SNORC: variants seen among roughly 807,000 people sequenced by gnomAD.
The protein encoded by SNORC is protein SNORC.
A neutral mutation model predicts 9.7 loss-of-function variants in SNORC; 11 were observed. That is an observed-to-expected ratio of 1.14 (90% confidence interval 0.72 to 1.88). SNORC has a LOEUF of 1.88. SNORC is among the 40% of genes most tolerant of loss of function. The pLI, the probability that SNORC is intolerant of heterozygous loss-of-function variation, is 0.00. For missense variants in SNORC, 197 were observed against 173.1 expected (o/e 1.14, Z -0.77); for synonymous variants, 108 against 88.7 (o/e 1.22, Z -1.22).
At chr2:232,870,478 G>T in intron 1 of SNORC, 64 bp downstream of exon 1, 3 of 1,450,858 alleles carry the variant, frequency 2.1e-6, no homozygotes, top group Admixed American at 4.0e-5. Flanking sequence ...CTACCTTGGG[G>T]CCAGATTCTT....
chr2:232,870,519 A>T (rs1338807296), intron 1 of SNORC, 105 bp downstream of exon 1: 1 of 1,096,542 alleles, frequency 9.1e-7, no homozygotes, highest in South Asian at 1.4e-5. Flanking sequence ...GCCCTCTCAC[A>T]GGAGATGGGA....
At chr2:232,873,506 C>T (rs186280595) in intron 1 of SNORC, among the ~76,000 whole-genome samples, 8 of 152,292 alleles carry the variant, frequency 5.3e-5, no homozygotes, top group Admixed American at 2.6e-4. Flanking sequence ...TGCCACTCCT[C>T]GGCTGATTCC....
chr2:232,873,354 G>A (rs1691101157), intron 1 of SNORC, among the ~76,000 whole-genome samples: 1 of 151,964 alleles, frequency 6.6e-6, no homozygotes, highest in South Asian at 2.1e-4. Flanking sequence ...GCAGAGACAG[G>A]CTGGGTCACG....
chr2:232,877,396 C>T (rs1286911451), downstream of SNORC: 2 of 977,198 alleles, frequency 2.0e-6, no homozygotes, highest in African/African-American at 3.5e-5. Flanking sequence ...CTGCTCAGCA[C>T]AGCAGGAAGT....
chr2:232,872,322 G>A (rs11887382), intron 1 of SNORC, among the ~76,000 whole-genome samples: 4 of 152,168 alleles, frequency 2.6e-5, no homozygotes, highest in African/African-American at 9.7e-5. Context: ...CGGGCTGAGC[G>A]GGCAGGAGGC....
At chr2:232,869,842 A>G (rs2106186410), upstream of SNORC, 2 of 235,414 alleles carry the variant, frequency 8.5e-6, no homozygotes, top group South Asian at 1.1e-4. Flanking sequence ...TCCGTCCTGC[A>G]CTCAGTGCTG....
At chr2:232,868,603 G>A (rs552086256), upstream of SNORC, among the ~76,000 whole-genome samples, 103 of 152,318 alleles carry the variant, frequency 6.8e-4, no homozygotes, top group African/African-American at 2.0e-3. Context: ...GGTGAATAGT[G>A]TGTACTATGG....
intron 1 of SNORC, among the ~76,000 whole-genome samples, chr2:232,871,712 C>T (rs1691032400): frequency 6.6e-6 from 1 of 152,224 alleles, no homozygotes; most frequent in South Asian, 2.1e-4. Flanking sequence ...GGGAAGGTGG[C>T]ATCTTCCATG....
chr2:232,876,934 GGGCAGGAGAGGCCGACA>G (rs1481794508), downstream of SNORC: 1 of 985,344 alleles, frequency 1.0e-6, no homozygotes, highest in Non-Finnish European at 1.2e-6. This position sits in a 1 kb window ranked among gnomAD's most constrained non-coding sequence, Gnocchi z 6.8. Context: ...GTAAGCGCTA[GGGCAGGAGAGGCCGACA>G]GAGACCCCGG....
In SNORC at chr2:232,876,171, C is replaced by T. The variant is rs1238743474; in HGVS notation, c.256+49C>T. ...GGGGAGAGGGAGAAATTAGGAGGGG[C>T]GGGGGGCGGGGGGCGCGGGGAGAAG... On this transcript the variant is annotated intron_variant, in intron 2 of 2. Coordinates refer to ENST00000331342, the Ensembl canonical transcript of SNORC. The surrounding 1 kb of genome is among the most constrained non-coding windows in gnomAD (Gnocchi z 6.8). 3.6e-5 allele frequency: 4 copies of T among 110,646 alleles called. No homozygotes were observed. The highest frequency in any genetic ancestry group is 5.5e-5 in the Non-Finnish European group (4 of 72,702). 6.9% of individuals were successfully genotyped at this position (110,646 alleles called of 1,614,324 possible).
downstream of SNORC, chr2:232,876,507 G>A (rs988548672): frequency 2.7e-5 from 35 of 1,280,370 alleles, no homozygotes; most frequent in Middle Eastern, 8.9e-4. This position sits in a 1 kb window ranked among gnomAD's most constrained non-coding sequence, Gnocchi z 6.8. Flanking sequence ...GCGCGGGGCC[G>A]AGGGTGGGTG....
chr2:232,877,251 A>T, downstream of SNORC: 4 of 985,466 alleles, frequency 4.1e-6, no homozygotes, highest in Non-Finnish European at 4.8e-6. Context: ...CAGGGAGAGA[A>T]AACGGCTTTC....
intron 1 of SNORC, among the ~76,000 whole-genome samples, chr2:232,872,458 TG>T (rs1691062948): frequency 6.6e-6 from 1 of 152,130 alleles, no homozygotes; most frequent in South Asian, 2.1e-4. Context: ...CTGGGGCCAG[TG>T]GGGCTGGGAG....
chr2:232,876,831 C>G, downstream of SNORC: 1 of 985,604 alleles, frequency 1.0e-6, no homozygotes, highest in East Asian at 1.1e-4. The surrounding 1 kb of genome is among the most constrained non-coding windows in gnomAD (Gnocchi z 6.8). Flanking sequence ...GGCGCCGCCT[C>G]CTCTGCCTGG....
At chr2:232,876,454 C>T, downstream of SNORC, 2 of 1,392,042 alleles carry the variant, frequency 1.4e-6, no homozygotes, top group Non-Finnish European at 1.8e-6. The surrounding 1 kb of genome is among the most constrained non-coding windows in gnomAD (Gnocchi z 6.8). Context: ...GCAGGTGTGC[C>T]AGAGCGTGAG....
At chr2:232,876,731 G>C, downstream of SNORC, 1 of 986,502 alleles carries the variant, frequency 1.0e-6, no homozygotes, top group South Asian at 4.7e-5. The surrounding 1 kb of genome is among the most constrained non-coding windows in gnomAD (Gnocchi z 6.8). Context: ...GGGGCCGCCA[G>C]GGCATCGGAG....
At chr2:232,876,442 A>G (rs1488120506), downstream of SNORC, 3 of 1,432,302 alleles carry the variant, frequency 2.1e-6, no homozygotes, top group African/African-American at 3.0e-5. The surrounding 1 kb of genome is among the most constrained non-coding windows in gnomAD (Gnocchi z 6.8). Flanking sequence ...GTGTCCGCGC[A>G]TGCAGGTGTG....
upstream of SNORC, chr2:232,870,252 G>C (rs1185288950): frequency 8.2e-7 from 1 of 1,217,854 alleles, no homozygotes. Flanking sequence ...ACCCTTCCCA[G>C]CCCTTTGATG....
Position 232,876,233 on chromosome 2 carries a change from T to G in SNORC, c.257-14T>G. 1 of 1,500,028 alleles carries G rather than the reference T, an allele frequency of 6.7e-7. No individual in the cohort carries two copies. The allele number at this position is 1,500,028 out of a possible 1,614,324, so 92.9% of individuals were successfully genotyped here. A position where few individuals can be genotyped will look rare whatever the true frequency, so the allele number is the denominator to read the frequency against. On this transcript the variant is annotated splice_polypyrimidine_tract_variant and intron_variant, in intron 2 of 2. Transcript: ENST00000331342. The surrounding 1 kb of genome is among the most constrained non-coding windows in gnomAD (Gnocchi z 6.8). ...CGGGGGCTAGCAGGTGACATGGTCC[T>G]CCGTCCTCCGCAGGGTCGCTGGGGC...
Sources: allele counts gnomAD v4.1 joint callset (sites outside exome capture counted in the v4.1 genomes callset), GRCh38; gene constraint gnomAD v4.1.1; non-coding constraint Gnocchi (gnomAD v3.1); transcripts MANE v1.5; gene names NCBI Gene and HGNC (gene_info 2026-07-23, HGNC 2026-07-21).